Variants in WAC observed in about 807,000 individuals in gnomAD.
The protein encoded by WAC is WW domain containing adaptor with coiled-coil.
WAC carries 11 observed loss-of-function variants against 79.6 expected under a neutral mutation model. The observed-to-expected ratio is 0.14, with a 90% CI of 0.09 to 0.23. WAC has a LOEUF of 0.23. WAC is among the 10% of genes least tolerant of loss of function. The pLI, the probability that WAC is intolerant of heterozygous loss-of-function variation, is 1.00. For missense variants in WAC, 728 were observed against 773.5 expected, an observed-to-expected ratio of 0.94 and a Z score of 0.70; for synonymous variants, 304 against 276.9, an observed-to-expected ratio of 1.10 and a Z score of -0.97.
intron 3 of WAC, among the ~76,000 whole-genome samples, chr10:28,576,250 A>C (rs1324610356): frequency 6.6e-6 from 1 of 152,224 alleles, no homozygotes; most frequent in Non-Finnish European, 1.5e-5. Flanking sequence ...TGTAATTTTC[A>C]CAAACTCTTT....
intron 7 of WAC, among the ~76,000 whole-genome samples, chr10:28,605,935 C>G (rs1388432390): frequency 6.6e-6 from 1 of 152,118 alleles, no homozygotes; most frequent in Non-Finnish European, 1.5e-5. Flanking sequence ...TAATATTAAT[C>G]AGGATGCCCC....
chr10:28,555,068 G>A (rs1295348038), intron 3 of WAC, among the ~76,000 whole-genome samples: 1 of 152,120 alleles, frequency 6.6e-6, no homozygotes. Context: ...CTCAGGTCTT[G>A]GGCATTTTGT....
In WAC at chr10:28,541,401, T is replaced by TTG. The variant is rs1326093412; in HGVS notation, c.274+5658_274+5659dup. The stretch of plus-strand genomic sequence containing the variant: ...AATTACAAAACCAATTTTTGTGGGG[T>TTG]TGTGTGTGTGTGTGTTTTGTTTTTT... On this transcript the variant is annotated intron_variant, in intron 3 of 13. Coordinates refer to ENST00000354911, the MANE Select transcript of WAC (RefSeq NM_016628.5). Among the ~76,000 whole-genome samples the TTG allele has an allele frequency of 2.1e-3, 206 of 97,400 alleles. 15 individuals are homozygous for TTG. Among genetic ancestry groups the TTG allele is most frequent in the East Asian group, 8.7e-3 (23 of 2,636 alleles). 63.9% of individuals were successfully genotyped at this position (97,400 alleles called of 152,430 possible). A position where few individuals can be genotyped will look rare whatever the true frequency, so the allele number is the denominator to read the frequency against.
chr10:28,547,632 A>G (rs965170367), intron 3 of WAC, among the ~76,000 whole-genome samples: 1 of 151,798 alleles, frequency 6.6e-6, no homozygotes, highest in African/African-American at 2.4e-5. Context: ...GTCTGAATAA[A>G]TTATCTTTTG....
chr10:28,535,766 C>G lies in WAC; in HGVS notation c.274+9C>G. The G allele has an allele frequency of 6.3e-7, 1 of 1,590,628 alleles. No homozygotes were observed. Among genetic ancestry groups the G allele is most frequent in the South Asian group, 1.1e-5 (1 of 88,794 alleles). On this transcript the variant is annotated intron_variant, in intron 3 of 13. Transcript: ENST00000354911. Reference sequence around the variant, plus strand: ...TAGAGAGAGGGATGGTGGTGAGTATCTTTCTTGTTGAAACTTTGACATACA... The same window carrying G: ...TAGAGAGAGGGATGGTGGTGAGTATGTTTCTTGTTGAAACTTTGACATACA...
At chr10:28,619,039 G>A (rs1395378929) in intron 13 of WAC, among the ~76,000 whole-genome samples, 1 of 152,248 alleles carries the variant, frequency 6.6e-6, no homozygotes, top group East Asian at 1.9e-4. Flanking sequence ...AGCACTTTGG[G>A]AGGCCAAGGT....
At chr10:28,609,926 C>A (rs1327064756) in intron 8 of WAC, among the ~76,000 whole-genome samples, 1 of 115,678 alleles carries the variant, frequency 8.6e-6, no homozygotes, top group Non-Finnish European at 1.7e-5. Context: ...TTCCTAAATA[C>A]TTTTTTTTTT....
intron 3 of WAC, among the ~76,000 whole-genome samples, chr10:28,545,895 G>A (rs1405935581): frequency 6.6e-6 from 1 of 152,192 alleles, no homozygotes; most frequent in Non-Finnish European, 1.5e-5. Flanking sequence ...CTCGTCTCTA[G>A]CATTAAGCTG....
At position 28,595,999 on chromosome 10, in the gene WAC, A is replaced by G. The variant is rs2132709978; in HGVS notation, c.877A>G (p.Thr293Ala). ...AGCATCTACTTTATCAAAACTGCCT[A>G]CACCCACATCTTCTGTCCCTGCACA... ...NGASTLSKLP[T>A]PTSSVPAQKT... The change falls in exon 7 of 14, where the codon ACA becomes GCA. Residue 293 changes from threonine (T) to alanine (A), a missense_variant. Physicochemically the swap from Thr to Ala is moderately conservative, Grantham distance 58. Coordinates refer to ENST00000354911, the MANE Select transcript of WAC (RefSeq NM_016628.5). The G allele has an allele frequency of 1.2e-6, 2 of 1,614,138 alleles. No homozygotes were observed. The highest frequency in any genetic ancestry group is 1.7e-6 in the Non-Finnish European group (2 of 1,180,010).
Position 28,535,605 on chromosome 10 carries a change from A to G in WAC, c.122A>G (p.His41Arg). The part of the protein sequence containing the change: ...SSKSHPSSGD[H>R]RHEKMRDAGD... Reference sequence around the variant, plus strand: ...AAGAGTCACCCCAGTAGCGGTGATCACAGACATGAAAAGATGCGAGACGCC... The same window carrying G: ...AAGAGTCACCCCAGTAGCGGTGATCGCAGACATGAAAAGATGCGAGACGCC... Residue 41 changes from histidine (H) to arginine (R), a missense_variant, in exon 3 of 14, where the codon CAC becomes CGC. Transcript: ENST00000354911. 1.2e-6 allele frequency: 2 copies of G among 1,614,108 alleles called. No homozygotes were observed. Among genetic ancestry groups the G allele is most frequent in the Non-Finnish European group, 1.7e-6 (2 of 1,180,000 alleles).
At chr10:28,536,558 A>G (rs192602618) in intron 3 of WAC, among the ~76,000 whole-genome samples, 132 of 152,330 alleles carry the variant, frequency 8.7e-4, no homozygotes, top group Non-Finnish European at 1.0e-3. Context: ...TTTTTGTTGT[A>G]AACATTTTCA....
At chr10:28,584,494 G>A (rs1307927824) in intron 4 of WAC, among the ~76,000 whole-genome samples, 2 of 152,156 alleles carry the variant, frequency 1.3e-5, no homozygotes, top group African/African-American at 2.4e-5. Context: ...AGGCAGTGGA[G>A]AGGTATTGAA....
Position 28,608,230 on chromosome 10 carries a change from C to T in WAC, c.964C>T (p.Pro322Ser), listed in dbSNP as rs932982103. 1.6e-5 allele frequency: 26 copies of T among 1,614,048 alleles called. No homozygotes were observed. Among genetic ancestry groups the T allele is most frequent in the Middle Eastern group, 1.6e-4 (1 of 6,084 alleles). Residue 322 changes from proline (P) to serine (S), a missense_variant, in exon 8 of 14, where the codon CCT becomes TCT. Pro to Ser is a moderately conservative substitution (Grantham distance 74, BLOSUM62 -1). Around this residue, in one of 3 missense-constraint regions of WAC, gnomAD observed 648 missense variants for 661.5 expected, o/e 0.98. Transcript: ENST00000354911. ...ACCCGTATCACATTCTTGCACAACT[C>T]CTTCCACGTCTTCTGCCTCTGGACT... Reference protein sequence around the residue: ...DKPVSHSCTTPSTSSASGLNP... With the variant: ...DKPVSHSCTTSSTSSASGLNP...
intron 7 of WAC, among the ~76,000 whole-genome samples, chr10:28,604,474 G>C (rs1056572766): frequency 6.6e-6 from 1 of 152,144 alleles, no homozygotes; most frequent in Non-Finnish European, 1.5e-5. Flanking sequence ...GCTCATGCCT[G>C]TAATCCCAGC....
chr10:28,535,622 C>G lies in WAC; in HGVS notation c.139C>G (p.Arg47Gly), dbSNP rs368543869. 2 of 1,613,732 alleles carry G rather than the reference C, an allele frequency of 1.2e-6. No individual in the cohort carries two copies. The highest frequency in any genetic ancestry group is 1.1e-5 in the South Asian group (1 of 91,064). The change falls in exon 3 of 14, where the codon CGA (arginine) becomes GGA (glycine). Residue 47 changes from arginine (R) to glycine (G), a missense_variant. Coordinates refer to ENST00000354911, the MANE Select transcript of WAC (RefSeq NM_016628.5). ...CGGTGATCACAGACATGAAAAGATGCGAGACGCCGGAGATCCTTCACCACC... is the reference window on the plus strand; with the variant it reads ...CGGTGATCACAGACATGAAAAGATGGGAGACGCCGGAGATCCTTCACCACC... Reference protein sequence around the residue: ...SSGDHRHEKMRDAGDPSPPNK... With the variant: ...SSGDHRHEKMGDAGDPSPPNK...
intron 3 of WAC, among the ~76,000 whole-genome samples, chr10:28,540,575 C>A (rs1387104187): frequency 6.6e-6 from 1 of 152,166 alleles, no homozygotes; most frequent in East Asian, 1.9e-4. Context: ...AGGAAAAGTC[C>A]ATTTTCTCTT....
chr10:28,611,383 G>A, intron 9 of WAC: 1 of 1,299,472 alleles, frequency 7.7e-7, no homozygotes. Flanking sequence ...AAGTATAATG[G>A]TGCAAAGACT....
At chr10:28,605,501 G>A (rs1219200544) in intron 7 of WAC, among the ~76,000 whole-genome samples, 1 of 152,150 alleles carries the variant, frequency 6.6e-6, no homozygotes, top group African/African-American at 2.4e-5. Flanking sequence ...CTTCAGAGAT[G>A]TCACTTGCCC....
chr10:28,581,802 TC>T (rs1839552785), intron 3 of WAC, among the ~76,000 whole-genome samples: 1 of 152,168 alleles, frequency 6.6e-6, no homozygotes, highest in African/African-American at 2.4e-5. Context: ...CCTCGGGTGA[TC>T]CACCTGCCTC....
Sources: gnomAD v4.1 joint callset for allele counts (sites outside exome capture counted in the v4.1 genomes callset) on GRCh38, gnomAD v4.1.1 for gene constraint, gnomAD v4.1.1 regional missense constraint, MANE v1.5 for transcripts, NCBI Gene and HGNC (gene_info 2026-07-23, HGNC 2026-07-21) for gene names.